ANXA8: variants seen among roughly 807,000 people sequenced by gnomAD.
ANXA8 encodes the protein VAC-beta.
Under a neutral mutation model 26.8 loss-of-function variants are expected in ANXA8, and 9 were observed. The ratio of observed to expected loss-of-function variants is 0.34; its 90% CI spans 0.20 to 0.59. ANXA8 has a LOEUF of 0.59. ANXA8 is among the 20% of genes least tolerant of loss of function. The pLI, the probability that ANXA8 is intolerant of heterozygous loss-of-function variation, is 0.84. For missense variants in ANXA8, 83 were observed against 238.5 expected, an observed-to-expected ratio of 0.35 and a Z score of 4.29; for synonymous variants, 39 against 94.8, an observed-to-expected ratio of 0.41 and a Z score of 3.42.
the ANXA8 span, among the ~76,000 whole-genome samples, chr10:47,956,661 C>T: frequency 6.6e-6 from 1 of 150,956 alleles, no homozygotes; most frequent in Admixed American, 6.6e-5. Context: ...CCTAAGTCTT[C>T]CTCTGTTGCT....
chr10:47,639,308 A>ATT, the ANXA8 span, among the ~76,000 whole-genome samples: 7 of 57,400 alleles, frequency 1.2e-4, no homozygotes, highest in Non-Finnish European at 1.8e-4. Context: ...AATTATTATT[A>ATT]TTATTATTTT....
At chr10:47,656,362 C>T in the ANXA8 span, among the ~76,000 whole-genome samples, 166 of 150,828 alleles carry the variant, frequency 1.1e-3, 2 homozygotes, top group African/African-American at 3.8e-3. Flanking sequence ...TGTGCCACTG[C>T]GCTCCAACCT....
the ANXA8 span, among the ~76,000 whole-genome samples, chr10:47,621,718 T>C: frequency 1.9e-5 from 2 of 107,088 alleles, 1 homozygote; most frequent in Non-Finnish European, 4.0e-5. Context: ...CTCACCATTG[T>C]CTCTTCTCCC....
chr10:47,580,890 C>T, the ANXA8 span, among the ~76,000 whole-genome samples: 7 of 149,500 alleles, frequency 4.7e-5, no homozygotes, highest in East Asian at 1.9e-4. Flanking sequence ...GCCTGACCAA[C>T]GTGGCAAAAC....
chr10:47,599,528 C>T, the ANXA8 span: 1 of 146,602 alleles, frequency 6.8e-6, no homozygotes, highest in South Asian at 2.1e-4. Flanking sequence ...AAGCAATATT[C>T]CAAAAAAGAT....
At chr10:47,671,655 T>G in the ANXA8 span, among the ~76,000 whole-genome samples, 2 of 151,666 alleles carry the variant, frequency 1.3e-5, no homozygotes, top group Admixed American at 1.3e-4. Flanking sequence ...CAATGGTCCC[T>G]AAAACCTTAG....
chr10:47,975,511 T>C, the ANXA8 span, among the ~76,000 whole-genome samples: 1 of 149,116 alleles, frequency 6.7e-6, no homozygotes, highest in Non-Finnish European at 1.5e-5. Flanking sequence ...TGTATCAGTA[T>C]GCCATACTGT....
At chr10:47,663,445 A>G in the ANXA8 span, among the ~76,000 whole-genome samples, 7 of 139,160 alleles carry the variant, frequency 5.0e-5, no homozygotes, top group Admixed American at 7.0e-5. Flanking sequence ...GAGTGCAATG[A>G]CATCATCATG....
chr10:47,684,700 C>T, the ANXA8 span, among the ~76,000 whole-genome samples: 2 of 151,722 alleles, frequency 1.3e-5, no homozygotes, highest in African/African-American at 4.9e-5. Context: ...ATTCTCCTGC[C>T]TCAGCCTCTG....
the ANXA8 span, among the ~76,000 whole-genome samples, chr10:47,659,848 C>G: frequency 6.6e-6 from 1 of 151,532 alleles, no homozygotes; most frequent in Non-Finnish European, 1.5e-5. Context: ...CCTCCGCCTC[C>G]CAGGCTCAGG....
At chr10:47,511,235 G>A in the ANXA8 span, among the ~76,000 whole-genome samples, 1 of 141,488 alleles carries the variant, frequency 7.1e-6, no homozygotes, top group Non-Finnish European at 1.5e-5. Flanking sequence ...GAGCCACGGC[G>A]CCCAGTCCTT....
chr10:47,698,657 T>C, the ANXA8 span, among the ~76,000 whole-genome samples: 2 of 152,122 alleles, frequency 1.3e-5, no homozygotes, highest in Non-Finnish European at 2.9e-5. Flanking sequence ...CTGGATGATA[T>C]GGTGAAACCT....
chr10:47,637,423 A>T, the ANXA8 span, among the ~76,000 whole-genome samples: 2 of 150,250 alleles, frequency 1.3e-5, no homozygotes, highest in Admixed American at 6.6e-5. Flanking sequence ...TAGTAAACAC[A>T]AAATACTGTA....
chr10:47,733,233 C>CTCTTTCTTTCTTTCTT, the ANXA8 span, among the ~76,000 whole-genome samples: 149 of 59,698 alleles, frequency 2.5e-3, 5 homozygotes, highest in Middle Eastern at 0.015. Context: ...CTTTCTTTCT[C>CTCTTTCTTTCTTTCTT]TCTTTCTTTC....
chr10:47,537,495 ATAATT>A, the ANXA8 span, among the ~76,000 whole-genome samples: 198 of 150,464 alleles, frequency 1.3e-3, no homozygotes, highest in Non-Finnish European at 2.1e-3. Flanking sequence ...TCTTTACAAA[ATAATT>A]TATTTTCTTA....
chr10:47,484,005 C>A lies in ANXA8; in HGVS notation c.-72G>T, dbSNP rs1421605027. 6.6e-6 allele frequency: 10 copies of A among 1,504,996 alleles called. No homozygotes were observed. The East Asian group carries it at 6.7e-5, about 10-fold the overall frequency. 93.2% of individuals were successfully genotyped at this position (1,504,996 alleles called of 1,614,324 possible). A position where few individuals can be genotyped will look rare whatever the true frequency, so the allele number is the denominator to read the frequency against. On this transcript the variant is annotated 5_prime_UTR_variant, in exon 1 of 12. Transcript: ENST00000585281. Reference sequence around the variant, plus strand: ...GGTTGGCCTCTGCTGGGACTCCACACGTCTGGCTCCTGCAGCTGAGGAGTG... The same window carrying A: ...GGTTGGCCTCTGCTGGGACTCCACAAGTCTGGCTCCTGCAGCTGAGGAGTG...
At chr10:47,492,034 T>TG in the ANXA8 span, among the ~76,000 whole-genome samples, 1 of 149,626 alleles carries the variant, frequency 6.7e-6, no homozygotes, top group Non-Finnish European at 1.5e-5. Context: ...GCCTGGGTAC[T>TG]GATATGTACC....
the ANXA8 span, among the ~76,000 whole-genome samples, chr10:47,980,958 A>T: frequency 1.3e-5 from 2 of 151,554 alleles, no homozygotes; most frequent in South Asian, 4.2e-4. Context: ...ACTTCAACTC[A>T]TTCTATGATG....
chr10:47,693,860 T>G, the ANXA8 span, among the ~76,000 whole-genome samples: 8 of 149,372 alleles, frequency 5.4e-5, no homozygotes, highest in Non-Finnish European at 9.1e-5. Flanking sequence ...AAAAAAAATG[T>G]TTTTTTTCTT....
Sources: gnomAD v4.1 joint callset for allele counts (sites outside exome capture counted in the v4.1 genomes callset) on GRCh38, gnomAD v4.1.1 for gene constraint, MANE v1.5 for transcripts, NCBI Gene and HGNC (gene_info 2026-07-23, HGNC 2026-07-21) for gene names.